The following CAB39L variants were observed in gnomAD, a reference collection of about 807,000 sequenced individuals.
CAB39L encodes the protein calcium binding protein 39 like, also known as calcium-binding protein 39-like.
CAB39L carries 23 observed loss-of-function variants against 39.1 expected under a neutral mutation model. The observed-to-expected ratio is 0.59, with a 90% CI of 0.42 to 0.83. The LOEUF is 0.83. CAB39L is among the 40% of genes least tolerant of loss of function. The pLI is 0.00. For synonymous variants in CAB39L, 126 were observed against 137.2 expected (o/e 0.92, Z 0.57); for missense variants, 366 against 391.9 (o/e 0.93, Z 0.56).
intron 5 of CAB39L, among the ~76,000 whole-genome samples, chr13:49,367,283 C>T (rs1955800725): frequency 6.6e-6 from 1 of 152,134 alleles, no homozygotes; most frequent in Non-Finnish European, 1.5e-5. Flanking sequence ...ACATTGTTAG[C>T]CATTAGGGAA....
chr13:49,385,656 C>T (rs1407842591), intron 3 of CAB39L, among the ~76,000 whole-genome samples: 5 of 152,118 alleles, frequency 3.3e-5, no homozygotes, highest in African/African-American at 9.7e-5. Context: ...GTAGAGGCCA[C>T]TTATAGGGTT....
chr13:49,396,894 T>C (rs1011630189), intron 3 of CAB39L, among the ~76,000 whole-genome samples: 10 of 152,144 alleles, frequency 6.6e-5, no homozygotes, highest in African/African-American at 2.4e-4. Flanking sequence ...TCAATACTAA[T>C]TGAACCATTC....
At chr13:49,428,273 G>A (rs1052187060) in intron 3 of CAB39L, among the ~76,000 whole-genome samples, 60 of 152,362 alleles carry the variant, frequency 3.9e-4, no homozygotes, top group African/African-American at 1.4e-3. Context: ...TTTGACTGGA[G>A]CTGGAAGGAC....
intron 10 of CAB39L, among the ~76,000 whole-genome samples, chr13:49,319,173 G>T (rs1253499396): frequency 6.6e-6 from 1 of 152,086 alleles, no homozygotes; most frequent in Non-Finnish European, 1.5e-5. Context: ...GAACCTGGGA[G>T]GTAGAGGTTG....
chr13:49,355,905 A>G (rs1255767099), intron 6 of CAB39L, among the ~76,000 whole-genome samples: 1 of 152,194 alleles, frequency 6.6e-6, no homozygotes, highest in Non-Finnish European at 1.5e-5. Flanking sequence ...TTGAGCATTT[A>G]TTCTGCCTCT....
At chr13:49,410,741 C>A (rs1841286423) in intron 3 of CAB39L, among the ~76,000 whole-genome samples, 2 of 152,168 alleles carry the variant, frequency 1.3e-5, no homozygotes, top group Non-Finnish European at 2.9e-5. Flanking sequence ...AAAGTCAAAG[C>A]CATTTATGGC....
intron 3 of CAB39L, among the ~76,000 whole-genome samples, chr13:49,387,557 C>T (rs963911558): frequency 2.0e-5 from 3 of 152,148 alleles, no homozygotes; most frequent in Non-Finnish European, 2.9e-5. Context: ...GACAATGGCC[C>T]TGTTATACTT....
intron 1 of CAB39L, among the ~76,000 whole-genome samples, chr13:49,441,702 G>A (rs946577950): frequency 6.6e-6 from 1 of 152,152 alleles, no homozygotes; most frequent in Admixed American, 6.5e-5. Context: ...TATTTGCAGA[G>A]CAGCCAATAT....
chr13:49,324,731 G>C (rs1025816485), intron 10 of CAB39L, among the ~76,000 whole-genome samples: 1 of 152,170 alleles, frequency 6.6e-6, no homozygotes, highest in African/African-American at 2.4e-5. Flanking sequence ...GGATCACATG[G>C]AATTTTGTCA....
intron 6 of CAB39L, among the ~76,000 whole-genome samples, chr13:49,356,074 G>A (rs1955475810): frequency 6.6e-6 from 1 of 152,086 alleles, no homozygotes; most frequent in African/African-American, 2.4e-5. Context: ...ACGGAATCAG[G>A]CAATGTTCAT....
In CAB39L at chr13:49,365,981, A is replaced by T. The variant is rs573915880; in HGVS notation, c.277-6149T>A. ...AAAGTACTATTCAGTCATAAAAAGG[A>T]ATGAGATTCTGTCATTGCAACAACA... On this transcript the variant is annotated intron_variant, in intron 5 of 10. Transcript: ENST00000409308. Among the ~76,000 whole-genome samples the T allele has an allele frequency of 3.9e-5, 6 of 152,366 alleles. No homozygotes were observed. In the East Asian group the frequency reaches 1.2e-3, roughly 29 times the overall value.
intron 3 of CAB39L, among the ~76,000 whole-genome samples, chr13:49,397,011 A>C (rs1484327139): frequency 6.6e-6 from 1 of 152,182 alleles, no homozygotes; most frequent in Non-Finnish European, 1.5e-5. Context: ...CCCCCAAAAA[A>C]CATAATTTAG....
intron 8 of CAB39L, among the ~76,000 whole-genome samples, chr13:49,341,460 C>T (rs1398860617): frequency 1.3e-5 from 2 of 152,040 alleles, no homozygotes; most frequent in Admixed American, 1.3e-4. Flanking sequence ...ACCATTTTGG[C>T]CAGGTTGGTC....
chr13:49,381,394 A>G (rs1956250575), intron 4 of CAB39L, among the ~76,000 whole-genome samples: 1 of 152,188 alleles, frequency 6.6e-6, no homozygotes, highest in African/African-American at 2.4e-5. Context: ...ATAATAATAA[A>G]GGAAACATCT....
chr13:49,343,391 C>T (rs1217559114), intron 8 of CAB39L, among the ~76,000 whole-genome samples: 1 of 152,062 alleles, frequency 6.6e-6, no homozygotes, highest in East Asian at 1.9e-4. Context: ...AGTAACTTGC[C>T]CAGGGCCACT....
chr13:49,385,620 T>G (rs1956339809), intron 3 of CAB39L, among the ~76,000 whole-genome samples: 1 of 152,212 alleles, frequency 6.6e-6, no homozygotes, highest in Non-Finnish European at 1.5e-5. Context: ...GTGAGAGATA[T>G]GTGACTCTTC....
At chr13:49,385,958 C>T (rs191764567) in intron 3 of CAB39L, among the ~76,000 whole-genome samples, 24 of 152,156 alleles carry the variant, frequency 1.6e-4, no homozygotes, top group East Asian at 7.7e-4. Context: ...AAAATGGCAC[C>T]AATAGACTTC....
intron 3 of CAB39L, among the ~76,000 whole-genome samples, chr13:49,404,305 A>C (rs1956830461): frequency 6.6e-6 from 1 of 152,216 alleles, no homozygotes; most frequent in Non-Finnish European, 1.5e-5. Context: ...TGCAAGTCAC[A>C]ACATTACTGG....
chr13:49,434,938 T>C (rs189392533), intron 1 of CAB39L, among the ~76,000 whole-genome samples: 119 of 152,360 alleles, frequency 7.8e-4, no homozygotes, highest in African/African-American at 2.4e-3. Context: ...TCTACTTTTT[T>C]ATTTAATCCC....
Sources: gnomAD v4.1 joint callset for allele counts (sites outside exome capture counted in the v4.1 genomes callset) on GRCh38, gnomAD v4.1.1 for gene constraint, MANE v1.5 for transcripts, NCBI Gene and HGNC (gene_info 2026-07-23, HGNC 2026-07-21) for gene names.